Variants in RAI1 observed in about 807,000 individuals in gnomAD.
RAI1 encodes the protein retinoic acid induced 1, also known as retinoic acid-induced protein 1.
A neutral mutation model predicts 123.8 loss-of-function variants in RAI1; 9 were observed. The observed-to-expected ratio is 0.07, with a 90% CI of 0.04 to 0.13. The LOEUF is 0.13. RAI1 is among the 10% of genes least tolerant of loss of function. RAI1 has a pLI of 1.00. For synonymous variants in RAI1, 1,231 were observed against 1,127.3 expected (o/e 1.09, Z -1.84); for missense variants, 2,256 against 2,545.8 (o/e 0.89, Z 2.45).
intron 2 of RAI1, among the ~76,000 whole-genome samples, chr17:17,724,585 A>G (rs999701664): frequency 7.2e-5 from 11 of 151,794 alleles, no homozygotes; most frequent in Non-Finnish European, 1.3e-4. Context: ...GAGATGCCAG[A>G]GAAGGAAGGA....
Position 17,798,027 on chromosome 17 carries a change from G to C in RAI1, c.5079G>C (p.Pro1693=), listed in dbSNP as rs748845443. Reference sequence around the variant, plus strand: ...TTGTTTGCTGCCTCTGCCAAAACCCGGCCAACTTCAAGGACCTTGGGGACC... The same window carrying C: ...TTGTTTGCTGCCTCTGCCAAAACCCCGCCAACTTCAAGGACCTTGGGGACC... ...SCLVCCLCQN[P]ANFKDLGDLC... The change falls in exon 3 of 6, where the codon CCG becomes CCC. Residue 1693 remains proline (P), a synonymous_variant. Transcript: ENST00000353383. 1 of 1,613,940 alleles carries C rather than the reference G, an allele frequency of 6.2e-7. No homozygotes were observed. Among genetic ancestry groups the C allele is most frequent in the African/African-American group, 1.3e-5 (1 of 74,898 alleles).
chr17:17,696,121 T>C (rs555063064), intron 1 of RAI1, among the ~76,000 whole-genome samples: 210 of 152,262 alleles, frequency 1.4e-3, no homozygotes, highest in African/African-American at 4.9e-3. Flanking sequence ...TGTAGAGATA[T>C]CCAAAAATAC....
chr17:17,733,667 T>G (rs1332150857), intron 2 of RAI1, among the ~76,000 whole-genome samples: 1 of 152,222 alleles, frequency 6.6e-6, no homozygotes, highest in Non-Finnish European at 1.5e-5. Flanking sequence ...GTGCTCGTTC[T>G]CTCTAAGACA....
chr17:17,682,283 A>G (rs1914453550), intron 1 of RAI1, among the ~76,000 whole-genome samples: 1 of 151,540 alleles, frequency 6.6e-6, no homozygotes, highest in Non-Finnish European at 1.5e-5. Context: ...CTTGGGAGTC[A>G]GGGCCGGCGA....
At chr17:17,723,624 C>T (rs1245941124) in intron 1 of RAI1, among the ~76,000 whole-genome samples, 1 of 150,728 alleles carries the variant, frequency 6.6e-6, no homozygotes, top group South Asian at 2.1e-4. Flanking sequence ...GAGCGTCTCC[C>T]CGGCGCCCCC....
chr17:17,784,251 T>C (rs894307044), intron 2 of RAI1, among the ~76,000 whole-genome samples: 9 of 152,040 alleles, frequency 5.9e-5, no homozygotes, highest in African/African-American at 2.2e-4. Flanking sequence ...GCTGGCCTGC[T>C]GTGCCTCCCC....
chr17:17,695,318 A>G (rs576734593), intron 1 of RAI1, among the ~76,000 whole-genome samples: 28 of 152,224 alleles, frequency 1.8e-4, no homozygotes, highest in African/African-American at 6.5e-4. Context: ...CCTCCAGCCC[A>G]GGAGCACAGG....
intron 1 of RAI1, among the ~76,000 whole-genome samples, chr17:17,703,071 G>T (rs1025521376): frequency 6.6e-6 from 1 of 152,192 alleles, no homozygotes; most frequent in Non-Finnish European, 1.5e-5. Flanking sequence ...GGATGATTGG[G>T]GCAGTAAGCA....
At chr17:17,771,623 G>T (rs988299458) in intron 2 of RAI1, among the ~76,000 whole-genome samples, 5 of 152,222 alleles carry the variant, frequency 3.3e-5, no homozygotes, top group Non-Finnish European at 5.9e-5. Context: ...GCTCATGTGT[G>T]CACATAGCCA....
At chr17:17,705,745 G>T (rs908855544) in intron 1 of RAI1, among the ~76,000 whole-genome samples, 16 of 151,662 alleles carry the variant, frequency 1.1e-4, no homozygotes, top group African/African-American at 3.9e-4. Context: ...AAACAAAAAG[G>T]CTGGGCACGG....
rs1351882702 is a variant in RAI1, at chr17:17,794,968, G to A, written c.2020G>A (p.Asp674Asn). 1 of 1,613,764 alleles carries A rather than the reference G, an allele frequency of 6.2e-7. No homozygotes were observed. The highest frequency in any genetic ancestry group is 8.5e-7 in the Non-Finnish European group (1 of 1,180,050). The change falls in exon 3 of 6, where the codon GAC (aspartate) becomes AAC (asparagine). Residue 674 changes from aspartate (D) to asparagine (N), a missense_variant. Transcript: ENST00000353383. ...GGCCCTGCCCGACTCCTTGCAGCTG[G>A]ACAAGGGCGGCAATGCCAAGGACTT... The part of the protein sequence containing the change: ...PEALPDSLQL[D>N]KGGNAKDFSP...
chr17:17,757,647 A>T (rs1226782175), intron 2 of RAI1, among the ~76,000 whole-genome samples: 1 of 152,086 alleles, frequency 6.6e-6, no homozygotes, highest in Non-Finnish European at 1.5e-5. Flanking sequence ...TACCACTTGC[A>T]GCTAAGCAGA....
intron 2 of RAI1, among the ~76,000 whole-genome samples, chr17:17,741,923 T>C (rs1292294796): frequency 1.3e-5 from 2 of 152,194 alleles, no homozygotes; most frequent in Non-Finnish European, 2.9e-5. Context: ...GGGAGATGGG[T>C]AAATCCGTTT....
chr17:17,717,243 G>A (rs542461066), intron 1 of RAI1, among the ~76,000 whole-genome samples: 1 of 152,216 alleles, frequency 6.6e-6, no homozygotes, highest in Non-Finnish European at 1.5e-5. Context: ...GCCCCTTGGT[G>A]GCTTCCTGGC....
intron 3 of RAI1, among the ~76,000 whole-genome samples, chr17:17,803,286 A>C (rs1211760365): frequency 1.3e-5 from 2 of 152,158 alleles, no homozygotes; most frequent in Non-Finnish European, 2.9e-5. Flanking sequence ...TGTGTACCCC[A>C]GTGCTGAACC....
At position 17,794,820 on chromosome 17, in the gene RAI1, A is replaced by G. The variant is rs1485765230; in HGVS notation, c.1872A>G (p.Lys624=). ...LQEAIGEKAD[K]AWAEAPSLVK... ...AAGCCATCGGTGAGAAGGCCGACAA[A>G]GCTTGGGCTGAAGCACCCAGCCTGG... Residue 624 remains lysine, a synonymous_variant, in exon 3 of 6, where the codon AAA becomes AAG. Transcript: ENST00000353383. 1.2e-6 allele frequency: 2 copies of G among 1,613,032 alleles called. No homozygotes were observed. The highest frequency in any genetic ancestry group is 1.7e-6 in the Non-Finnish European group (2 of 1,179,982).
chr17:17,758,705 T>G (rs535286068), intron 2 of RAI1, among the ~76,000 whole-genome samples: 24 of 152,288 alleles, frequency 1.6e-4, no homozygotes, highest in South Asian at 1.0e-3. Flanking sequence ...TAATTGCAGT[T>G]GTGCAATGAT....
chr17:17,694,830 C>T (rs1914963604), intron 1 of RAI1, among the ~76,000 whole-genome samples: 1 of 151,092 alleles, frequency 6.6e-6, no homozygotes, highest in African/African-American at 2.4e-5. Flanking sequence ...GGCCGCGGGG[C>T]GGGGCGGGGT....
chr17:17,728,086 GGTGTCAGTCTCTGATCC>G (rs1567853931), intron 2 of RAI1, among the ~76,000 whole-genome samples: 2 of 151,998 alleles, frequency 1.3e-5, no homozygotes. Context: ...TCCCCTCTGT[GGTGTCAGTCTCTGATCC>G]CATTTGTGCA....
Sources: allele counts gnomAD v4.1 joint callset (sites outside exome capture counted in the v4.1 genomes callset), GRCh38; gene constraint gnomAD v4.1.1; transcripts MANE v1.5; gene names NCBI Gene and HGNC (gene_info 2026-07-23, HGNC 2026-07-21).